TET3: variants seen among roughly 807,000 people sequenced by gnomAD.
The protein encoded by TET3 is methylcytosine dioxygenase TET3.
In TET3, 19 loss-of-function variants were observed where a neutral mutation model predicts 141.4. The observed-to-expected ratio is 0.13, with a 90% CI of 0.09 to 0.20. The LOEUF (loss-of-function observed/expected upper bound fraction) is 0.20. TET3 is among the 10% of genes least tolerant of loss of function. The pLI, the probability that TET3 is intolerant of heterozygous loss-of-function variation, is 1.00. For missense variants in TET3, 1,874 were observed against 2,356.9 expected (o/e 0.80, Z 4.24); for synonymous variants, 1,043 against 980.9 (o/e 1.06, Z -1.18).
rs34695760 is a variant in TET3, at chr2:74,080,699, C to CGGGGGG, written c.2679+109_2679+114dup. The stretch of plus-strand genomic sequence containing the variant: ...CTGCATGTAGCTGAGCAGGCGAGGG[C>CGGGGGG]GGGGGGTGGGGCCAGGTGGGTGTGT... On this transcript the variant is annotated intron_variant, in intron 6 of 11. Transcript: ENST00000409262. The CGGGGGG allele has an allele frequency of 1.2e-5, 5 of 405,658 alleles. No homozygotes were observed. In the African/African-American group the frequency reaches 2.0e-4, roughly 16 times the overall value. The allele number at this position is 405,658 out of a possible 1,614,324, so 25.1% of individuals were successfully genotyped here. A position where few individuals can be genotyped will look rare whatever the true frequency, so the allele number is the denominator to read the frequency against.
chr2:74,135,149 C>T, the TET3 span: 2 of 234,212 alleles, frequency 8.5e-6, no homozygotes, highest in Non-Finnish European at 8.5e-6. Flanking sequence ...AATTGAGGGT[C>T]CAAGATCATT....
In TET3 at chr2:74,093,570, G is replaced by A; in HGVS notation, c.3171G>A (p.Leu1057=). 2.5e-6 allele frequency: 4 copies of A among 1,613,550 alleles called. No homozygotes were observed. Among genetic ancestry groups the A allele is most frequent in the Non-Finnish European group, 3.4e-6 (4 of 1,179,690 alleles). ...TAGCGATTGACTGCCGTCTGGGGCT[G>A]AAGGAAGGACGGCCCTTCGCGGGGG... The part of the protein sequence containing the change: ...EEIAIDCRLG[L]KEGRPFAGVT... Residue 1057 remains leucine, a synonymous_variant, in exon 10 of 12, where the codon CTG becomes CTA. Transcript: ENST00000409262. This position sits in a 1 kb window ranked among gnomAD's most constrained non-coding sequence, Gnocchi z 4.2.
intron 2 of TET3, among the ~76,000 whole-genome samples, chr2:73,999,256 A>G (rs1176342544): frequency 1.3e-5 from 2 of 152,186 alleles, no homozygotes; most frequent in African/African-American, 4.8e-5. Flanking sequence ...GGGGGTGGCA[A>G]GAACCCTGTG....
At chr2:74,064,370 T>G (rs77857395) in intron 4 of TET3, among the ~76,000 whole-genome samples, 22,224 of 152,212 alleles carry the variant, frequency 0.15, 2,196 homozygotes, top group East Asian at 0.5. Context: ...TTATTGTGTG[T>G]AGAAACATGG....
At chr2:74,132,856 G>A in the TET3 span, among the ~76,000 whole-genome samples, 1 of 152,020 alleles carries the variant, frequency 6.6e-6, no homozygotes, top group Non-Finnish European at 1.5e-5. Context: ...AGCTGGACCC[G>A]TGTCCTTTCT....
chr2:74,125,935 A>G, the TET3 span, among the ~76,000 whole-genome samples: 1 of 152,072 alleles, frequency 6.6e-6, no homozygotes, highest in East Asian at 1.9e-4. Flanking sequence ...TAAAATCTCA[A>G]TTTTCTTTGA....
At chr2:74,055,579 T>C (rs6756474) in intron 4 of TET3, among the ~76,000 whole-genome samples, 51,471 of 152,088 alleles carry the variant, frequency 0.34, 9,799 homozygotes, top group African/African-American at 0.51. Flanking sequence ...ATCTATATAA[T>C]CTTATGCTCT....
At position 74,047,051 on chromosome 2, in the gene TET3, C is replaced by A. The variant is rs200153529; in HGVS notation, c.1134C>A (p.Pro378=). Residue 378 remains proline (P), a synonymous_variant, in exon 4 of 12, where the codon CCC becomes CCA. Transcript: ENST00000409262. ...SALPQPSHST[P]QASCPLPEAL... is the part of the protein sequence containing the mutation. ...TCCCGCAGCCTTCTCATTCCACCCCCCAGGCTTCTTGCCCCCTTCCTGAGG... is the reference window on the plus strand; with the variant it reads ...TCCCGCAGCCTTCTCATTCCACCCCACAGGCTTCTTGCCCCCTTCCTGAGG... 9 of 1,613,996 alleles carry A rather than the reference C, an allele frequency of 5.6e-6. No homozygotes were observed. The East Asian group carries it at 2.0e-4, about 36-fold the overall frequency.
At chr2:74,084,144 C>G (rs891498879) in intron 6 of TET3, among the ~76,000 whole-genome samples, 16 of 152,230 alleles carry the variant, frequency 1.1e-4, no homozygotes, top group Admixed American at 1.3e-4. Flanking sequence ...TGCCGTGCCT[C>G]AGAGCAGGAA....
At chr2:74,016,210 A>G (rs72905275) in intron 3 of TET3, among the ~76,000 whole-genome samples, 9,106 of 152,044 alleles carry the variant, frequency 0.06, 921 homozygotes, top group African/African-American at 0.21. Flanking sequence ...TGTACAAAAA[A>G]TGAACTTGCT....
chr2:73,993,393 C>G (rs1179672605), intron 2 of TET3: 1 of 152,242 alleles, frequency 6.6e-6, no homozygotes, highest in East Asian at 1.9e-4. Flanking sequence ...TACCCCAGAC[C>G]TGCTGAATTG....
At chr2:74,134,725 C>T in the TET3 span, 1 of 456,732 alleles carries the variant, frequency 2.2e-6, no homozygotes. Context: ...AAAACAGGGA[C>T]AAGGAAGCCT....
the TET3 span, among the ~76,000 whole-genome samples, chr2:74,129,332 A>AAAAC: frequency 5.4e-5 from 8 of 148,710 alleles, no homozygotes; most frequent in Non-Finnish European, 1.0e-4. Flanking sequence ...AAAAAAAAAA[A>AAAAC]AAAAAAAAAA....
intron 3 of TET3, among the ~76,000 whole-genome samples, chr2:74,015,607 T>A (rs1685687973): frequency 6.6e-6 from 1 of 152,232 alleles, no homozygotes; most frequent in African/African-American, 2.4e-5. Flanking sequence ...ATTTTATGGC[T>A]GTATTATAAT....
rs146733733 is a variant in TET3 at position 74,017,734 on chromosome 2, A to G, written c.360+14568A>G. On this transcript the variant is annotated intron_variant, in intron 3 of 11. Coordinates refer to ENST00000409262, the MANE Select transcript of TET3 (RefSeq NM_001287491.2). Reference sequence around the variant, plus strand: ...ACATCTCTTTGACACACCTATTTCAATTCTTTTGGACGTATATCCAGAAGT... The same window carrying G: ...ACATCTCTTTGACACACCTATTTCAGTTCTTTTGGACGTATATCCAGAAGT... 7.0e-4 allele frequency among the ~76,000 whole-genome samples: 107 copies of G among 152,164 alleles called. 1 individual carries two copies. In the East Asian group the frequency reaches 0.014, roughly 20 times the overall value.
chr2:74,008,814 C>T (rs1024190265), intron 3 of TET3, among the ~76,000 whole-genome samples: 3 of 152,146 alleles, frequency 2.0e-5, no homozygotes, highest in Admixed American at 6.5e-5. Flanking sequence ...CCTTAAGAGG[C>T]AAACATTCCA....
chr2:74,116,552 G>A, the TET3 span, among the ~76,000 whole-genome samples: 2 of 152,012 alleles, frequency 1.3e-5, no homozygotes, highest in African/African-American at 4.8e-5. Flanking sequence ...GGTGGTGTGT[G>A]TGTGTGCCTG....
At position 74,014,649 on chromosome 2, in the gene TET3, A is replaced by T. The variant is rs1573692656; in HGVS notation, c.360+11483A>T. Among the ~76,000 whole-genome samples the T allele has an allele frequency of 6.6e-5, 10 of 152,228 alleles. No homozygotes were observed. The South Asian group carries it at 2.1e-3, about 32-fold the overall frequency. On this transcript the variant is annotated intron_variant, in intron 3 of 11. Transcript: ENST00000409262. ...CCTAGGCCGAAATGGAAGTTTTGGT[A>T]GTATTTAGAAAAGCCTCGTACATTA...
At chr2:74,092,772 C>T in intron 8 of TET3, 130 bp from the exon 9 acceptor site, 1 of 768,058 alleles carries the variant, frequency 1.3e-6, no homozygotes, top group East Asian at 2.7e-5. Flanking sequence ...AAGGAAAGGC[C>T]AGAAAGACAC....
Sources: allele counts gnomAD v4.1 joint callset (sites outside exome capture counted in the v4.1 genomes callset), GRCh38; gene constraint gnomAD v4.1.1; non-coding constraint Gnocchi (gnomAD v3.1); transcripts MANE v1.5; gene names NCBI Gene and HGNC (gene_info 2026-07-23, HGNC 2026-07-21).